TTC28: variants seen among roughly 807,000 people sequenced by gnomAD.
TTC28 encodes tetratricopeptide repeat domain 28.
Under a neutral mutation model 198.0 loss-of-function variants are expected in TTC28, and 61 were observed. The ratio of observed to expected loss-of-function variants is 0.31; its 90% confidence interval spans 0.25 to 0.38. The LOEUF is 0.38. Ranked by LOEUF, TTC28 falls within the 10% of genes least tolerant of loss-of-function variation. The pLI is 1.00. For missense variants in TTC28, 2,678 were observed against 3,164.0 expected (o/e 0.85, Z 3.69); for synonymous variants, 1,171 against 1,297.8 (o/e 0.90, Z 2.10).
intron 6 of TTC28, among the ~76,000 whole-genome samples, chr22:28,116,436 C>T (rs1229587494): frequency 2.0e-5 from 3 of 152,118 alleles, no homozygotes. Flanking sequence ...GTAGGAAGTG[C>T]TAGGCACAGT....
At position 28,509,646 on chromosome 22, in the gene TTC28, C is replaced by T. The variant is rs575967325; in HGVS notation, c.381+119906G>A. ...AACTAGAGAACCAAGAGCAAACAAA[C>T]CCCAGAGCTAGCAGAGGACAAGAAA... On this transcript the variant is annotated intron_variant, in intron 2 of 22. Coordinates refer to ENST00000397906, the MANE Select transcript of TTC28 (RefSeq NM_001145418.2). Among the ~76,000 whole-genome samples the T allele has an allele frequency of 3.3e-5, 5 of 152,096 alleles. 1 individual carries two copies. In the South Asian group the frequency reaches 1.0e-3, roughly 32 times the overall value.
chr22:28,379,178 T>C (rs2046458511), intron 2 of TTC28, among the ~76,000 whole-genome samples: 1 of 152,148 alleles, frequency 6.6e-6, no homozygotes, highest in African/African-American at 2.4e-5. Context: ...AAAAAATATA[T>C]AATTTCAGAC....
intron 2 of TTC28, among the ~76,000 whole-genome samples, chr22:28,386,889 A>T (rs2046610479): frequency 6.6e-6 from 1 of 152,094 alleles, no homozygotes; most frequent in Non-Finnish European, 1.5e-5. Flanking sequence ...CATGTGCACA[A>T]TGTGCAGGTT....
intron 5 of TTC28, among the ~76,000 whole-genome samples, chr22:28,212,501 C>G (rs1927073577): frequency 7.4e-6 from 1 of 134,932 alleles, no homozygotes; most frequent in Non-Finnish European, 1.6e-5. Flanking sequence ...AGAAACACCT[C>G]TACGGAAATA....
intron 12 of TTC28, among the ~76,000 whole-genome samples, chr22:28,086,055 A>G (rs1312519235): frequency 1.3e-5 from 2 of 152,204 alleles, no homozygotes; most frequent in African/African-American, 4.8e-5. Context: ...CTCCCACACA[A>G]TAATATTGGG....
At chr22:28,586,053 GTCAA>G (rs2050312610) in intron 2 of TTC28, among the ~76,000 whole-genome samples, 3 of 151,968 alleles carry the variant, frequency 2.0e-5, no homozygotes, top group Non-Finnish European at 4.4e-5. Context: ...GGCTGAGGCG[GTCAA>G]ATCACGAGGT....
At chr22:28,268,010 G>A in intron 5 of TTC28, among the ~76,000 whole-genome samples, 1 of 152,156 alleles carries the variant, frequency 6.6e-6, no homozygotes, top group East Asian at 1.9e-4. Flanking sequence ...TCAACGCCTA[G>A]TGTGCCATCA....
rs1937483522 is a variant in TTC28 at position 27,993,359 on chromosome 22, C to T, written c.5404G>A (p.Ala1802Thr). 6.4e-7 allele frequency: 1 copy of T among 1,550,772 alleles called. No individual in the cohort carries two copies. Among genetic ancestry groups the T allele is most frequent in the Non-Finnish European group, 8.7e-7 (1 of 1,146,942 alleles). ...GGGTCGGAGGTTGGGAAGAAGACAG[C>T]CGCTGGCAGGCCACTGGTTGGGGGG... Reference protein sequence around the residue: ...LDPPTSGLPAAVFFPTSDPGD... With the variant: ...LDPPTSGLPATVFFPTSDPGD... The change falls in exon 18 of 23, where the codon GCT becomes ACT. Residue 1802 changes from alanine (A) to threonine (T), a missense_variant. Around this residue, in one of 8 missense-constraint regions of TTC28, gnomAD observed 314 missense variants for 442.7 expected, o/e 0.71. Transcript: ENST00000397906.
At chr22:28,119,776 C>G (rs1462089324) in intron 6 of TTC28, among the ~76,000 whole-genome samples, 2 of 152,178 alleles carry the variant, frequency 1.3e-5, no homozygotes, top group East Asian at 3.8e-4. Context: ...CACTCTGGCA[C>G]TACTAATTAA....
intron 2 of TTC28, among the ~76,000 whole-genome samples, chr22:28,428,099 C>A (rs2047376796): frequency 2.8e-5 from 4 of 140,930 alleles, no homozygotes; most frequent in Non-Finnish European, 1.5e-5. Context: ...AAAAGTATTG[C>A]AAAGAAAGAA....
At chr22:28,337,401 C>T (rs1480834988) in intron 2 of TTC28, among the ~76,000 whole-genome samples, 3 of 152,018 alleles carry the variant, frequency 2.0e-5, no homozygotes, top group African/African-American at 7.2e-5. Context: ...TCCTTGTTAA[C>T]TTTCTGTCTC....
At position 28,107,160 on chromosome 22, in the gene TTC28, T is replaced by C. The variant is rs776051758; in HGVS notation, c.2685A>G (p.Glu895=). The C allele has an allele frequency of 2.0e-5, 31 of 1,551,624 alleles. No homozygotes were observed. In the South Asian group the frequency reaches 3.4e-4, roughly 17 times the overall value. ...DCYEALGDYE[E]AIKYYEQYLS... Reference sequence around the variant, plus strand: ...AATATTGTTCATAGTATTTGATAGCTTCCTCATAGTCACCCAGGGCTTCGT... The same window carrying C: ...AATATTGTTCATAGTATTTGATAGCCTCCTCATAGTCACCCAGGGCTTCGT... The change falls in exon 7 of 23, where the codon GAA becomes GAG. Residue 895 remains glutamate (E), a synonymous_variant. Coordinates refer to ENST00000397906, the MANE Select transcript of TTC28 (RefSeq NM_001145418.2).
At chr22:28,125,327 TA>T (rs1942888570) in intron 6 of TTC28, among the ~76,000 whole-genome samples, 1 of 152,204 alleles carries the variant, frequency 6.6e-6, no homozygotes, top group Admixed American at 6.5e-5. Flanking sequence ...GGCTTGGACT[TA>T]ATTTTCTAAA....
intron 12 of TTC28, among the ~76,000 whole-genome samples, chr22:28,081,257 T>G (rs1195808292): frequency 6.6e-6 from 1 of 152,044 alleles, no homozygotes. Flanking sequence ...CTTGGCTCAC[T>G]GCAACCTCTG....
chr22:28,058,046 C>T (rs535476409), intron 12 of TTC28, among the ~76,000 whole-genome samples: 1 of 151,950 alleles, frequency 6.6e-6, no homozygotes, highest in South Asian at 2.1e-4. Flanking sequence ...ACCTTTTTTT[C>T]CCCCAGATTG....
intron 5 of TTC28, among the ~76,000 whole-genome samples, chr22:28,212,230 AG>A (rs1167384577): frequency 6.6e-6 from 1 of 152,030 alleles, no homozygotes; most frequent in Non-Finnish European, 1.5e-5. Flanking sequence ...GAGAAGCAAG[AG>A]CAAACACATT....
chr22:28,258,764 T>TA (rs1460045041), intron 5 of TTC28, among the ~76,000 whole-genome samples: 2 of 152,136 alleles, frequency 1.3e-5, no homozygotes, highest in Non-Finnish European at 2.9e-5. Context: ...GGAAGTATAT[T>TA]ATACTTTTTA....
At chr22:28,653,654 T>C (rs1007514747) in intron 1 of TTC28, among the ~76,000 whole-genome samples, 2 of 152,174 alleles carry the variant, frequency 1.3e-5, no homozygotes, top group African/African-American at 4.8e-5. Flanking sequence ...CCCATTTGTT[T>C]TTCTGAAAGA....
intron 10 of TTC28, among the ~76,000 whole-genome samples, chr22:28,097,523 A>C (rs2146868661): frequency 6.6e-6 from 1 of 152,350 alleles, no homozygotes; most frequent in East Asian, 1.9e-4. Context: ...ACTTTCCTTA[A>C]GGAACTGGTC....
Sources: allele counts gnomAD v4.1 joint callset (sites outside exome capture counted in the v4.1 genomes callset), GRCh38; gene constraint gnomAD v4.1.1; regional missense constraint gnomAD v4.1.1; transcripts MANE v1.5; gene names NCBI Gene and HGNC (gene_info 2026-07-23, HGNC 2026-07-21).